Variants in SDK2 observed in about 807,000 individuals in gnomAD.
SDK2 encodes protein sidekick-2.
A neutral mutation model predicts 253.9 loss-of-function variants in SDK2; 105 were observed. The ratio of observed to expected loss-of-function variants is 0.41; its 90% CI spans 0.35 to 0.49. The LOEUF is 0.49. SDK2 is among the 20% of genes least tolerant of loss of function. The pLI, the probability that SDK2 is intolerant of heterozygous loss-of-function variation, is 0.06. For synonymous variants in SDK2, 1,249 were observed against 1,234.9 expected (o/e 1.01, Z -0.24); for missense variants, 2,608 against 3,003.0 (o/e 0.87, Z 3.07).
intron 1 of SDK2, among the ~76,000 whole-genome samples, chr17:73,538,597 C>G (rs371664589): frequency 1.3e-5 from 2 of 152,194 alleles, no homozygotes; most frequent in Non-Finnish European, 2.9e-5. Context: ...TCCTGGCCTC[C>G]GAATGAACAG....
Position 73,374,031 on chromosome 17 carries a change from C to A in SDK2, c.4980+5146G>T, listed in dbSNP as rs879301487. On this transcript the variant is annotated intron_variant, in intron 36 of 44. Coordinates refer to ENST00000392650, the MANE Select transcript of SDK2 (RefSeq NM_001144952.2). ...GTTCCTTACATATTTTGGCTACTAA[C>A]CCCTGGTCATATGTATGGTTTGCAA... Among the ~76,000 whole-genome samples the A allele has an allele frequency of 2.8e-5, 4 of 145,178 alleles. 1 individual carries two copies. The highest frequency in any genetic ancestry group is 5.5e-5 in the African/African-American group (2 of 36,576).
intron 5 of SDK2, 48 bp from the exon 6 acceptor site, chr17:73,440,971 C>T: frequency 7.4e-7 from 1 of 1,360,132 alleles, no homozygotes; most frequent in Non-Finnish European, 1.0e-6. Flanking sequence ...GAAATCCTAT[C>T]CCTGCCCAGC....
chr17:73,513,455 G>A (rs1333489850), intron 1 of SDK2, among the ~76,000 whole-genome samples: 1 of 152,122 alleles, frequency 6.6e-6, no homozygotes, highest in Non-Finnish European at 1.5e-5. Context: ...GTGATATTCT[G>A]GGCTGGTGAA....
intron 1 of SDK2, among the ~76,000 whole-genome samples, chr17:73,632,031 C>G (rs1279126030): frequency 6.6e-6 from 1 of 152,198 alleles, no homozygotes; most frequent in Non-Finnish European, 1.5e-5. Context: ...AAGAAGAACC[C>G]AGACTACCAC....
At chr17:73,355,194 T>TTTTTTTTTTTTTTTG (rs2062581164) in intron 40 of SDK2, among the ~76,000 whole-genome samples, 1 of 61,608 alleles carries the variant, frequency 1.6e-5, no homozygotes, top group Non-Finnish European at 3.1e-5. Context: ...TTTTTTTTTT[T>TTTTTTTTTTTTTTTG]TAGACGGAGT....
intron 36 of SDK2, chr17:73,369,339 A>C (rs1430177925): frequency 7.3e-6 from 2 of 275,384 alleles, no homozygotes; most frequent in South Asian, 3.3e-5. Flanking sequence ...TCTCAGGGCC[A>C]CCCCGGGCCC....
Position 73,423,985 on chromosome 17 carries a change from A to G in SDK2, c.1691T>C (p.Ile564Thr), listed in dbSNP as rs779683600. Residue 564 changes from isoleucine to threonine, a missense_variant, in exon 13 of 45, where the codon ATC becomes ACC. Coordinates refer to ENST00000392650, the MANE Select transcript of SDK2 (RefSeq NM_001144952.2). Reference protein sequence around the residue: ...LHISQTWSGDIGTYTCRVISA... With the variant: ...LHISQTWSGDTGTYTCRVISA... ...GATCACCCGGCAGGTGTACGTGCCGATGTCTCCCGACCACGTCTGTGAGAT... is the reference window on the plus strand; with the variant it reads ...GATCACCCGGCAGGTGTACGTGCCGGTGTCTCCCGACCACGTCTGTGAGAT... 1.9e-6 allele frequency: 3 copies of G among 1,609,784 alleles called. No homozygotes were observed. Among genetic ancestry groups the G allele is most frequent in the Non-Finnish European group, 2.5e-6 (3 of 1,178,468 alleles).
chr17:73,411,816 C>T (rs1243863791), intron 18 of SDK2, among the ~76,000 whole-genome samples: 7 of 149,232 alleles, frequency 4.7e-5, no homozygotes, highest in Admixed American at 2.7e-4. Context: ...GTCAGAGTCT[C>T]GCTGGAGTGT....
chr17:73,619,116 A>G (rs113627992), intron 1 of SDK2, among the ~76,000 whole-genome samples: 9,274 of 151,498 alleles, frequency 0.061, 954 homozygotes, highest in African/African-American at 0.21. Flanking sequence ...GCAATGAGCC[A>G]AGATTGTGCC....
At chr17:73,389,426 C>T (rs1316701719) in intron 29 of SDK2, among the ~76,000 whole-genome samples, 1 of 152,190 alleles carries the variant, frequency 6.6e-6, no homozygotes, top group Non-Finnish European at 1.5e-5. Flanking sequence ...TCAGGTGATC[C>T]ACCTGCCTCG....
intron 18 of SDK2, among the ~76,000 whole-genome samples, chr17:73,406,800 C>G (rs11654556): frequency 0.33 from 49,770 of 151,540 alleles, 9,256 homozygotes; most frequent in East Asian, 0.69. Flanking sequence ...GGTAAAATTA[C>G]AGAGAGAAAT....
At chr17:73,387,737 T>C in intron 30 of SDK2, 99 bp downstream of exon 30, 1 of 1,099,534 alleles carries the variant, frequency 9.1e-7, no homozygotes, top group Non-Finnish European at 1.3e-6. Flanking sequence ...GGGGGCAGGC[T>C]GGAGGTGTTT....
At chr17:73,545,095 G>GCATGCACACACACACACACACA (rs1222193318) in intron 1 of SDK2, among the ~76,000 whole-genome samples, 19 of 75,310 alleles carry the variant, frequency 2.5e-4, no homozygotes, top group African/African-American at 1.6e-3. Flanking sequence ...GCGTGCACGT[G>GCATGCACACACACACACACACA]CACGCACACA....
At chr17:73,452,929 A>T (rs1047986834) in intron 4 of SDK2, among the ~76,000 whole-genome samples, 2 of 152,190 alleles carry the variant, frequency 1.3e-5, no homozygotes, top group Admixed American at 1.3e-4. Flanking sequence ...AGAAACATCC[A>T]TGCTAAGAAC....
chr17:73,636,420 G>A (rs1464341696), intron 1 of SDK2, among the ~76,000 whole-genome samples: 1 of 152,148 alleles, frequency 6.6e-6, no homozygotes, highest in Non-Finnish European at 1.5e-5. Context: ...AAGTGCGGCA[G>A]CTCATGCCTG....
intron 1 of SDK2, among the ~76,000 whole-genome samples, chr17:73,535,947 C>T (rs1205930028): frequency 6.6e-6 from 1 of 152,142 alleles, no homozygotes; most frequent in African/African-American, 2.4e-5. Context: ...CACATCCTTT[C>T]TTCCTAATTC....
Position 73,642,241 on chromosome 17 carries a change from G to A in SDK2, c.64+1784C>T, listed in dbSNP as rs2046408022. 6.6e-6 allele frequency among the ~76,000 whole-genome samples: 1 copy of A among 152,184 alleles called. No individual in the cohort carries two copies. Among genetic ancestry groups the A allele is most frequent in the Non-Finnish European group, 1.5e-5 (1 of 68,038 alleles). ...GAAGACCCCAAAGCAAGGGCCATCA[G>A]GTGCCCTGGGGACTCTATAAGGGCC... On this transcript the variant is annotated intron_variant, in intron 1 of 44. Transcript: ENST00000392650. This position sits in a 1 kb window ranked among gnomAD's most constrained non-coding sequence, Gnocchi z 4.7.
intron 18 of SDK2, among the ~76,000 whole-genome samples, chr17:73,414,200 C>T (rs2063161718): frequency 6.6e-6 from 1 of 151,750 alleles, no homozygotes; most frequent in South Asian, 2.1e-4. Context: ...GGCGCCCCTG[C>T]CACCAAGCCC....
chr17:73,630,985 T>C (rs1341562489), intron 1 of SDK2, among the ~76,000 whole-genome samples: 1 of 151,822 alleles, frequency 6.6e-6, no homozygotes, highest in Non-Finnish European at 1.5e-5. Flanking sequence ...TGCCAACACC[T>C]CCCTTCTCTG....
Sources: gnomAD v4.1 joint callset for allele counts (sites outside exome capture counted in the v4.1 genomes callset) on GRCh38, gnomAD v4.1.1 for gene constraint, Gnocchi (gnomAD v3.1) non-coding constraint, MANE v1.5 for transcripts, NCBI Gene and HGNC (gene_info 2026-07-23, HGNC 2026-07-21) for gene names.